Variants in ATXN1 observed in about 807,000 individuals in gnomAD.
The protein encoded by ATXN1 is ataxin-1.
Under a neutral mutation model 56.4 loss-of-function variants are expected in ATXN1, and 8 were observed. The ratio of observed to expected loss-of-function variants is 0.14; its 90% CI spans 0.08 to 0.26. The LOEUF is 0.26. Among genes scored for constraint, ATXN1 ranks in the 10% least tolerant of loss-of-function variants. ATXN1 has a pLI of 1.00. For missense variants in ATXN1, 987 were observed against 1,106.5 expected (o/e 0.89, Z 1.53); for synonymous variants, 514 against 494.6 (o/e 1.04, Z -0.52).
chr6:16,500,969 T>C (rs927642184), intron 5 of ATXN1, among the ~76,000 whole-genome samples: 3 of 152,206 alleles, frequency 2.0e-5, no homozygotes, highest in Admixed American at 6.5e-5. Context: ...TTAACTAGCC[T>C]TGACACAATA....
chr6:16,707,644 T>C (rs1250051132), intron 2 of ATXN1, among the ~76,000 whole-genome samples: 1 of 152,132 alleles, frequency 6.6e-6, no homozygotes. Context: ...TTCCATGTGA[T>C]GGGGAATTCT....
intron 3 of ATXN1, among the ~76,000 whole-genome samples, chr6:16,606,533 TA>T (rs1312384052): frequency 1.6e-4 from 23 of 142,428 alleles, no homozygotes; most frequent in Non-Finnish European, 2.9e-4. Flanking sequence ...TTTTTTTTTT[TA>T]TTTTTATTTT....
rs537188133 is a variant in ATXN1 at position 16,669,926 on chromosome 6, A to G, written c.-614-12025T>C. 2.0e-5 allele frequency among the ~76,000 whole-genome samples: 3 copies of G among 151,140 alleles called. No individual in the cohort carries two copies. The South Asian group carries it at 6.3e-4, about 32-fold the overall frequency. On this transcript the variant is annotated intron_variant, in intron 2 of 7. Coordinates refer to ENST00000436367, the MANE Select transcript of ATXN1 (RefSeq NM_001128164.2). ...TTGGTGATGTCTACTCCCTGTCCTC[A>G]CTCCTGAGCACCTGTCACCTCAGAC...
At chr6:16,321,439 G>A (rs1229922759) in intron 7 of ATXN1, among the ~76,000 whole-genome samples, 1 of 152,216 alleles carries the variant, frequency 6.6e-6, no homozygotes, top group Non-Finnish European at 1.5e-5. Flanking sequence ...CACTGAAGAG[G>A]AAGGAGGCTT....
intron 6 of ATXN1, among the ~76,000 whole-genome samples, chr6:16,436,581 T>C (rs370671322): frequency 4.6e-5 from 7 of 151,970 alleles, no homozygotes; most frequent in African/African-American, 1.7e-4. Flanking sequence ...ATGTGGTGAC[T>C]GGGGGAAGAG....
intron 6 of ATXN1, among the ~76,000 whole-genome samples, chr6:16,358,604 C>G (rs179979): frequency 1.3e-5 from 2 of 152,152 alleles, no homozygotes; most frequent in African/African-American, 4.8e-5. Flanking sequence ...AAGCTGGCTG[C>G]GCGGCTGGTG....
intron 3 of ATXN1, among the ~76,000 whole-genome samples, chr6:16,595,048 A>G (rs748535946): frequency 6.6e-6 from 1 of 152,208 alleles, no homozygotes; most frequent in Non-Finnish European, 1.5e-5. Flanking sequence ...AAAATGCCCT[A>G]GCGTACATGA....
rs1340637418 is a variant in ATXN1 at position 16,760,160 on chromosome 6, CAG to C, written c.-730+1136_-730+1137del. ...GAGGCGGCGGCGCCCCCGGGAGTGG[CAG>C]AGTCTCCGGCCCGGCCCAGAGTGAA... is the stretch of plus-strand genomic sequence containing the variant. On this transcript the variant is annotated intron_variant, in intron 1 of 7. Coordinates refer to ENST00000436367, the MANE Select transcript of ATXN1 (RefSeq NM_001128164.2). The surrounding 1 kb of genome is among the most constrained non-coding windows in gnomAD (Gnocchi z 5.3). Among the ~76,000 whole-genome samples the C allele has an allele frequency of 4.6e-5, 7 of 152,040 alleles. No homozygotes were observed. The highest frequency in any genetic ancestry group is 7.2e-5 in the African/African-American group (3 of 41,412).
At chr6:16,548,214 A>G (rs1302318911) in intron 4 of ATXN1, among the ~76,000 whole-genome samples, 1 of 152,246 alleles carries the variant, frequency 6.6e-6, no homozygotes, top group Non-Finnish European at 1.5e-5. Context: ...TAGAAAAGAT[A>G]CAGTCAAAAT....
intron 7 of ATXN1, among the ~76,000 whole-genome samples, chr6:16,309,732 C>T (rs977241116): frequency 3.3e-5 from 5 of 152,070 alleles, no homozygotes; most frequent in Non-Finnish European, 7.4e-5. Flanking sequence ...GAAAAAATAT[C>T]GTTAAAAGCC....
At position 16,328,175 on chromosome 6, in the gene ATXN1, G is replaced by A; in HGVS notation, c.136C>T (p.Leu46Phe). Residue 46 changes from leucine (L) to phenylalanine (F), a missense_variant, in exon 7 of 8, where the codon CTC becomes TTC. Physicochemically the swap from Leu to Phe is conservative, Grantham distance 22 (BLOSUM62 0). Around this residue, in one of 3 missense-constraint regions of ATXN1, gnomAD observed 723 missense variants for 791.7 expected, o/e 0.91. Coordinates refer to ENST00000436367, the MANE Select transcript of ATXN1 (RefSeq NM_001128164.2). The surrounding 1 kb of genome is among the most constrained non-coding windows in gnomAD (Gnocchi z 6.2). ...CCCCGGCCACCAGGGTTGCCCGGGA[G>A]CCATGCTGTGCCCTCCACCCGGTGG... ...DNHRVEGTAW[L>F]PGNPGGRGHG... is the part of the protein sequence containing the mutation. 1 of 1,595,364 alleles carries A rather than the reference G, an allele frequency of 6.3e-7. No individual in the cohort carries two copies. The highest frequency in any genetic ancestry group is 8.6e-7 in the Non-Finnish European group (1 of 1,167,854).
At position 16,303,649 on chromosome 6, in the gene ATXN1, T is replaced by A. The variant is rs1760170121; in HGVS notation, c.*2680A>T. 6.5e-6 allele frequency: 1 copy of A among 152,678 alleles called. No homozygotes were observed. The highest frequency in any genetic ancestry group is 1.5e-5 in the Non-Finnish European group (1 of 68,042). The allele number at this position is 152,678 out of a possible 1,614,324, so 9.5% of individuals were successfully genotyped here. On this transcript the variant is annotated 3_prime_UTR_variant, in exon 8 of 8. Coordinates refer to ENST00000436367, the MANE Select transcript of ATXN1 (RefSeq NM_001128164.2). The surrounding 1 kb of genome is among the most constrained non-coding windows in gnomAD (Gnocchi z 4.3). ...ACCTGAAATAGAACCACAAAAATTA[T>A]GATGATGTTCCTATTGCTCCAAACC...
intron 6 of ATXN1, among the ~76,000 whole-genome samples, chr6:16,414,885 T>C (rs1758870925): frequency 6.6e-6 from 1 of 152,196 alleles, no homozygotes; most frequent in Non-Finnish European, 1.5e-5. Context: ...TTAATAAAAG[T>C]ATACAATTTA....
intron 6 of ATXN1, among the ~76,000 whole-genome samples, chr6:16,477,434 G>T (rs1396839572): frequency 6.6e-6 from 1 of 152,222 alleles, no homozygotes; most frequent in East Asian, 1.9e-4. Context: ...ATAATGAGAG[G>T]AGAGCAATTA....
intron 2 of ATXN1, among the ~76,000 whole-genome samples, chr6:16,746,776 A>G (rs2113522579): frequency 6.6e-6 from 1 of 152,326 alleles, no homozygotes; most frequent in East Asian, 1.9e-4. Context: ...ATTAAATACA[A>G]AATCTAACAA....
chr6:16,440,649 A>AAAAAAAAAAAAAAAAAAAAAAAAAG lies in ATXN1; in HGVS notation c.-161+45322_-161+45323insCTTTTTTTTTTTTTTTTTTTTTTTT, dbSNP rs56105499. 2.6e-4 allele frequency among the ~76,000 whole-genome samples: 30 copies of AAAAAAAAAAAAAAAAAAAAAAAAAG among 113,638 alleles called. 1 individual carries two copies. Among genetic ancestry groups the AAAAAAAAAAAAAAAAAAAAAAAAAG allele is most frequent in the African/African-American group, 4.0e-4 (11 of 27,228 alleles). 74.6% of individuals were successfully genotyped at this position (113,638 alleles called of 152,430 possible). A position where few individuals can be genotyped will look rare whatever the true frequency, so the allele number is the denominator to read the frequency against. ...GAGTGAGACCCTGTCTTAAAAAAAA[A>AAAAAAAAAAAAAAAAAAAAAAAAAG]AAAGAAAAGAAAAGAAAAAATTAAA... On this transcript the variant is annotated intron_variant, in intron 6 of 7. Transcript: ENST00000436367.
intron 3 of ATXN1, among the ~76,000 whole-genome samples, chr6:16,646,297 C>A (rs1763797686): frequency 6.6e-6 from 1 of 152,184 alleles, no homozygotes; most frequent in Admixed American, 6.5e-5. Flanking sequence ...TAAGAGTGAT[C>A]ATGACCCTCT....
intron 2 of ATXN1, among the ~76,000 whole-genome samples, chr6:16,685,454 T>C (rs985231689): frequency 2.0e-5 from 3 of 152,124 alleles, no homozygotes; most frequent in African/African-American, 7.2e-5. Flanking sequence ...CTATGAGGCA[T>C]CTTGATTTGA....
intron 6 of ATXN1, among the ~76,000 whole-genome samples, chr6:16,359,184 G>A (rs777861810): frequency 2.6e-5 from 4 of 152,226 alleles, no homozygotes; most frequent in Non-Finnish European, 4.4e-5. Context: ...GACAGGGTCC[G>A]GGGCAGAAAA....
Sources: gnomAD v4.1 joint callset for allele counts (sites outside exome capture counted in the v4.1 genomes callset) on GRCh38, gnomAD v4.1.1 for gene constraint, gnomAD v4.1.1 regional missense constraint, Gnocchi (gnomAD v3.1) non-coding constraint, MANE v1.5 for transcripts, NCBI Gene and HGNC (gene_info 2026-07-23, HGNC 2026-07-21) for gene names.